Variants in TMC2 observed in about 807,000 individuals in gnomAD.
TMC2 encodes transmembrane channel like 2, also known as transmembrane channel-like protein 2.
In TMC2, 102 loss-of-function variants were observed where a neutral mutation model predicts 105.9. The observed-to-expected ratio is 0.96, with a 90% CI of 0.82 to 1.14. TMC2 has a LOEUF of 1.14. TMC2 is among the 50% of genes most tolerant of loss of function. The pLI, the probability that TMC2 is intolerant of heterozygous loss-of-function variation, is 0.00. For synonymous variants in TMC2, 402 were observed against 422.8 expected, an observed-to-expected ratio of 0.95 and a Z score of 0.60; for missense variants, 1,093 against 1,134.3, an observed-to-expected ratio of 0.96 and a Z score of 0.52.
At chr20:2,546,787 C>T (rs2085929039) in intron 2 of TMC2, among the ~76,000 whole-genome samples, 1 of 152,070 alleles carries the variant, frequency 6.6e-6, no homozygotes, top group African/African-American at 2.4e-5. Context: ...CTGTAGGTGA[C>T]ACAGACTTAA....
In TMC2 at chr20:2,562,050, A is replaced by T. The variant is rs745409618; in HGVS notation, c.554+40A>T. The T allele has an allele frequency of 3.8e-6, 6 of 1,592,792 alleles. No homozygotes were observed. The South Asian group carries it at 5.7e-5, about 15-fold the overall frequency. ...GGTCAGCCAGGGCCTTCCGATGTCC[A>T]CAGCTCCTTCTGATGGGAATGGGAG... On this transcript the variant is annotated intron_variant, in intron 4 of 19. Transcript: ENST00000358864.
At chr20:2,633,759 T>TGGGTAGG (rs11282019) in intron 17 of TMC2, among the ~76,000 whole-genome samples, 113,794 of 151,442 alleles carry the variant, frequency 0.75, 42,837 homozygotes, top group East Asian at 0.87. Context: ...ACTACAGAAC[T>TGGGTAGG]GGGTAGGGGA....
intron 4 of TMC2, among the ~76,000 whole-genome samples, chr20:2,570,552 T>C (rs969177645): frequency 6.6e-6 from 1 of 152,054 alleles, no homozygotes; most frequent in Non-Finnish European, 1.5e-5. Flanking sequence ...GAAGAATCAA[T>C]ATCATTAAAA....
chr20:2,580,109 G>A (rs551176504), intron 7 of TMC2, 53 bp downstream of exon 7: 53 of 1,107,658 alleles, frequency 4.8e-5, no homozygotes, highest in Middle Eastern at 4.0e-4. Context: ...TATGACCACC[G>A]TCATCAATTA....
intron 4 of TMC2, among the ~76,000 whole-genome samples, chr20:2,566,238 AG>A (rs1187765885): frequency 4.6e-5 from 7 of 152,334 alleles, no homozygotes; most frequent in Non-Finnish European, 5.9e-5. Context: ...TCTACCTCAC[AG>A]GGTTGTTCAA....
At chr20:2,640,852 T>A (rs970581854) in intron 19 of TMC2, among the ~76,000 whole-genome samples, 1 of 152,130 alleles carries the variant, frequency 6.6e-6, no homozygotes, top group Non-Finnish European at 1.5e-5. Context: ...GCCGTTATTC[T>A]TGTCCCAATT....
intron 16 of TMC2, chr20:2,617,538 G>T: frequency 1.7e-6 from 1 of 573,156 alleles, no homozygotes. Flanking sequence ...TGTGGCCGTT[G>T]AGTGCTTGAA....
intron 17 of TMC2, among the ~76,000 whole-genome samples, chr20:2,631,233 G>A (rs1226019266): frequency 3.9e-5 from 6 of 152,110 alleles, no homozygotes; most frequent in Non-Finnish European, 7.3e-5. Context: ...CCTTCAGGTT[G>A]TTTCTGCCAC....
At chr20:2,559,323 TTTTA>T (rs2086008937) in intron 3 of TMC2, among the ~76,000 whole-genome samples, 1 of 151,906 alleles carries the variant, frequency 6.6e-6, no homozygotes, top group Non-Finnish European at 1.5e-5. Flanking sequence ...AGCTTGGAGG[TTTTA>T]TTTGTTTTGC....
Position 2,604,873 on chromosome 20 carries a change from C to T in TMC2, c.1413+2572C>T, listed in dbSNP as rs116627680. 7.4e-3 allele frequency among the ~76,000 whole-genome samples: 1,120 copies of T among 152,318 alleles called. 8 individuals are homozygous for T. The highest frequency in any genetic ancestry group is 0.026 in the African/African-American group (1,067 of 41,550). ...CATACCTTACCCTATGCATCTCTTC[C>T]ACCTGGCCATTCCTGAGTTATATCC... On this transcript the variant is annotated intron_variant, in intron 11 of 19. Transcript: ENST00000358864.
At chr20:2,545,942 G>A (rs2085923941) in intron 2 of TMC2, among the ~76,000 whole-genome samples, 1 of 150,324 alleles carries the variant, frequency 6.7e-6, no homozygotes, top group Non-Finnish European at 1.5e-5. Context: ...AGAAAGAAAA[G>A]AAAGGGAGGA....
intron 10 of TMC2, among the ~76,000 whole-genome samples, chr20:2,600,560 C>T (rs1370940977): frequency 6.6e-5 from 10 of 152,004 alleles, no homozygotes; most frequent in Non-Finnish European, 1.2e-4. Flanking sequence ...TGGTGGCTCA[C>T]GCCTGTAATC....
chr20:2,629,097 A>G (rs1346845852), intron 17 of TMC2, among the ~76,000 whole-genome samples: 4 of 152,126 alleles, frequency 2.6e-5, no homozygotes, highest in Non-Finnish European at 4.4e-5. Flanking sequence ...GTGAGACTCC[A>G]TCTCAAAAAA....
At chr20:2,571,766 C>T (rs1305609398) in intron 4 of TMC2, among the ~76,000 whole-genome samples, 1 of 152,052 alleles carries the variant, frequency 6.6e-6, no homozygotes, top group Non-Finnish European at 1.5e-5. Context: ...TTTGGGAGGC[C>T]GAGGCAGGTG....
At chr20:2,573,293 T>C (rs1403228860) in intron 5 of TMC2, among the ~76,000 whole-genome samples, 1 of 152,130 alleles carries the variant, frequency 6.6e-6, no homozygotes, top group Non-Finnish European at 1.5e-5. Context: ...CTATACAATA[T>C]TTAGTTTTCA....
At position 2,641,281 on chromosome 20, in the gene TMC2, G is replaced by A. The variant is rs754520847; in HGVS notation, c.2651G>A (p.Gly884Asp). 2.2e-5 allele frequency: 36 copies of A among 1,613,970 alleles called. No homozygotes were observed. In the Admixed American group the frequency reaches 6.0e-4, roughly 27 times the overall value. ...SRPPGIGPDSGHAPSQTHPWR... is the reference protein window; with the variant it reads ...SRPPGIGPDSDHAPSQTHPWR... ...CCCCCTGGAATCGGACCAGATTCTG[G>A]CCACGCCCCATCTCAGACTCATCCG... Residue 884 changes from glycine (G) to aspartate (D), a missense_variant, in exon 20 of 20, where the codon GGC (glycine) becomes GAC (aspartate). Physicochemically the swap from Gly to Asp is moderately conservative, Grantham distance 94. Transcript: ENST00000358864.
chr20:2,605,914 A>G (rs1196326457), intron 11 of TMC2, among the ~76,000 whole-genome samples: 1 of 152,194 alleles, frequency 6.6e-6, no homozygotes, highest in Non-Finnish European at 1.5e-5. Context: ...CAGACCTTCC[A>G]CTGAGCAGAC....
At chr20:2,636,459 TACAC>T (rs3051763) in intron 18 of TMC2, among the ~76,000 whole-genome samples, 1,864 of 143,468 alleles carry the variant, frequency 0.013, 31 homozygotes, top group African/African-American at 0.04. Context: ...GACTGCTGTC[TACAC>T]ACACACACAC....
intron 2 of TMC2, among the ~76,000 whole-genome samples, chr20:2,549,522 C>A (rs1001503100): frequency 1.3e-5 from 2 of 152,172 alleles, no homozygotes; most frequent in Non-Finnish European, 2.9e-5. Flanking sequence ...GCGGGCGGAT[C>A]ACTTGAGGTC....
Sources: allele counts gnomAD v4.1 joint callset (sites outside exome capture counted in the v4.1 genomes callset), GRCh38; gene constraint gnomAD v4.1.1; transcripts MANE v1.5; gene names NCBI Gene and HGNC (gene_info 2026-07-23, HGNC 2026-07-21).